The following CRB1 variants were observed in gnomAD, a reference collection of about 807,000 sequenced individuals.
The protein encoded by CRB1 is protein crumbs homolog 1.
Under a neutral mutation model 120.0 loss-of-function variants are expected in CRB1, and 83 were observed. The observed-to-expected ratio is 0.69, with a 90% confidence interval of 0.58 to 0.83. The LOEUF (loss-of-function observed/expected upper bound fraction) is 0.83. CRB1 is among the 40% of genes least tolerant of loss of function. CRB1 has a pLI of 0.00. For missense variants in CRB1, 1,699 were observed against 1,687.6 expected, an observed-to-expected ratio of 1.01 and a Z score of -0.12; for synonymous variants, 625 against 612.5, an observed-to-expected ratio of 1.02 and a Z score of -0.30.
intron 11 of CRB1, among the ~76,000 whole-genome samples, chr1:197,449,648 G>A (rs1260927079): frequency 1.3e-5 from 2 of 152,310 alleles, no homozygotes; most frequent in Non-Finnish European, 2.9e-5. Context: ...TTACAAGCGT[G>A]AGCCACCACG....
At chr1:197,236,195 C>CTTTTTT in the CRB1 span, among the ~76,000 whole-genome samples, 45 of 113,032 alleles carry the variant, frequency 4.0e-4, 1 homozygote, top group East Asian at 1.9e-3. Context: ...CTTTTATTTC[C>CTTTTTT]TTTTTTTTTT....
At chr1:197,311,782 C>T (rs1299270894) in intron 1 of CRB1, among the ~76,000 whole-genome samples, 1 of 148,662 alleles carries the variant, frequency 6.7e-6, no homozygotes, top group Non-Finnish European at 1.5e-5. Flanking sequence ...CTGGAAATTT[C>T]AAGTATATAA....
intron 1 of CRB1, among the ~76,000 whole-genome samples, chr1:197,302,083 T>C (rs1656898401): frequency 6.6e-6 from 1 of 152,102 alleles, no homozygotes; most frequent in South Asian, 2.1e-4. Flanking sequence ...TACAAAGAAA[T>C]CTTTCATGAA....
the CRB1 span, among the ~76,000 whole-genome samples, chr1:197,215,186 G>A: frequency 6.6e-6 from 1 of 152,002 alleles, no homozygotes; most frequent in African/African-American, 2.4e-5. Context: ...AATGGCCATT[G>A]GTATAGTTTG....
intron 5 of CRB1, among the ~76,000 whole-genome samples, chr1:197,395,485 C>T (rs1050757015): frequency 6.6e-6 from 1 of 152,058 alleles, no homozygotes; most frequent in Non-Finnish European, 1.5e-5. Context: ...GAGCAGATTA[C>T]CTGGAAATAA....
At chr1:197,327,120 A>C (rs4915481) in intron 1 of CRB1, among the ~76,000 whole-genome samples, 19,514 of 70,650 alleles carry the variant, frequency 0.28, 2,653 homozygotes, top group African/African-American at 0.43. Flanking sequence ...AAAAAAAAAA[A>C]AAAAAAAAAA....
intron 5 of CRB1, among the ~76,000 whole-genome samples, chr1:197,411,197 A>G (rs1195631631): frequency 6.6e-6 from 1 of 152,304 alleles, no homozygotes; most frequent in Admixed American, 6.5e-5. Flanking sequence ...GCTGTCTCCT[A>G]AAACAAAAAT....
chr1:197,361,700 A>T (rs2125363221), intron 5 of CRB1, among the ~76,000 whole-genome samples: 1 of 151,652 alleles, frequency 6.6e-6, no homozygotes, highest in East Asian at 1.9e-4. Context: ...CCTAATTTTG[A>T]CTATTTATAT....
intron 5 of CRB1, among the ~76,000 whole-genome samples, chr1:197,405,198 GC>G (rs1354818567): frequency 6.6e-6 from 1 of 152,088 alleles, no homozygotes; most frequent in African/African-American, 2.4e-5. Flanking sequence ...GCCTTAGCCT[GC>G]CGAGTGCCTG....
At position 197,414,593 on chromosome 1, in the gene CRB1, C is replaced by T. The variant is rs142595926; in HGVS notation, c.1172-6407C>T. 4.5e-3 allele frequency among the ~76,000 whole-genome samples: 683 copies of T among 152,212 alleles called. 4 individuals are homozygous for T. The highest frequency in any genetic ancestry group is 0.016 in the African/African-American group (650 of 41,534). On this transcript the variant is annotated intron_variant, in intron 5 of 11. Transcript: ENST00000367400. ...GTTTTTAATTAATTAAATTAATTGA[C>T]TTTAAGCAAATAACAATAAGCTTCA...
At chr1:197,400,877 G>T (rs1057264154) in intron 5 of CRB1, among the ~76,000 whole-genome samples, 9 of 152,116 alleles carry the variant, frequency 5.9e-5, no homozygotes, top group Non-Finnish European at 1.3e-4. Flanking sequence ...AATAAAGGAA[G>T]TTAAAAATTC....
intron 1 of CRB1, among the ~76,000 whole-genome samples, chr1:197,318,531 C>T (rs941791350): frequency 1.2e-4 from 19 of 152,086 alleles, no homozygotes; most frequent in African/African-American, 3.6e-4. Context: ...ATAGGTACTT[C>T]GAAGAGATAT....
chr1:197,304,473 T>C (rs1422475218), intron 1 of CRB1: 10 of 739,306 alleles, frequency 1.4e-5, no homozygotes, highest in Non-Finnish European at 1.7e-6. Context: ...TTCATATTCT[T>C]CATCTAAAGT....
chr1:197,421,455 C>T lies in CRB1; in HGVS notation c.1627C>T (p.His543Tyr). 6.2e-7 allele frequency: 1 copy of T among 1,614,208 alleles called. No individual in the cohort carries two copies. The highest frequency in any genetic ancestry group is 8.5e-7 in the Non-Finnish European group (1 of 1,180,032). ...GCTGGAGCTGCTAAGTGGCTACATT[C>T]ACTTATCAATTCAGGTCAATAATCA... is the stretch of plus-strand genomic sequence containing the variant. ...VKLELLSGYI[H>Y]LSIQVNNQSK... The change falls in exon 6 of 12, where the codon CAC (histidine) becomes TAC (tyrosine). Residue 543 changes from histidine to tyrosine, a missense_variant. Coordinates refer to ENST00000367400, the MANE Select transcript of CRB1 (RefSeq NM_201253.3).
At chr1:197,277,604 G>A (rs1372738431) in intron 1 of CRB1, among the ~76,000 whole-genome samples, 1 of 151,880 alleles carries the variant, frequency 6.6e-6, no homozygotes, top group Non-Finnish European at 1.5e-5. Flanking sequence ...TTTCACATAG[G>A]TGATGCATTA....
chr1:197,279,469 A>G (rs1655400289), intron 1 of CRB1, among the ~76,000 whole-genome samples: 1 of 151,436 alleles, frequency 6.6e-6, no homozygotes, highest in Non-Finnish European at 1.5e-5. Flanking sequence ...ATAATTATAG[A>G]TGTAAATATA....
intron 5 of CRB1, among the ~76,000 whole-genome samples, chr1:197,375,769 C>A (rs1284826659): frequency 6.6e-6 from 1 of 152,138 alleles, no homozygotes; most frequent in Non-Finnish European, 1.5e-5. Context: ...CCACTCTATT[C>A]TAAATCATTC....
intron 5 of CRB1, among the ~76,000 whole-genome samples, chr1:197,390,819 A>T (rs1022450877): frequency 2.0e-5 from 3 of 152,030 alleles, no homozygotes; most frequent in Admixed American, 1.3e-4. Flanking sequence ...TTGGTGATTG[A>T]TCTCTTTTTA....
rs2125471209 is a variant in CRB1 at position 197,421,692 on chromosome 1, A to G, written c.1864A>G (p.Ser622Gly). ...FLGGLPVGMT[S>G]NGVALLNFYN... ...GGGTGGTTTACCAGTGGGAATGACCAGCAATGGTGTTGCTCTGCTTAACTT... is the reference window on the plus strand; with the variant it reads ...GGGTGGTTTACCAGTGGGAATGACCGGCAATGGTGTTGCTCTGCTTAACTT... Residue 622 changes from serine (S) to glycine (G), a missense_variant, in exon 6 of 12, where the codon AGC becomes GGC. Physicochemically the swap from Ser to Gly is moderately conservative, Grantham distance 56. Transcript: ENST00000367400. The G allele has an allele frequency of 6.2e-7, 1 of 1,614,218 alleles. No homozygotes were observed. The highest frequency in any genetic ancestry group is 8.5e-7 in the Non-Finnish European group (1 of 1,180,046).
Sources: gnomAD v4.1 joint callset for allele counts (sites outside exome capture counted in the v4.1 genomes callset) on GRCh38, gnomAD v4.1.1 for gene constraint, MANE v1.5 for transcripts, NCBI Gene and HGNC (gene_info 2026-07-23, HGNC 2026-07-21) for gene names.